Variants in TMEM132B observed in about 807,000 individuals in gnomAD.
TMEM132B encodes transmembrane protein 132B.
In TMEM132B, 18 loss-of-function variants were observed where a neutral mutation model predicts 90.8. The observed-to-expected ratio is 0.20, with a 90% CI of 0.14 to 0.29. TMEM132B has a LOEUF of 0.29. TMEM132B is among the 10% of genes least tolerant of loss of function. The probability of loss-of-function intolerance (pLI) is 1.00; values close to 1 mark genes in which losing one functional copy is unlikely to be tolerated. For synonymous variants in TMEM132B, 504 were observed against 523.3 expected (o/e 0.96, Z 0.50); for missense variants, 1,096 against 1,326.8 (o/e 0.83, Z 2.70).
chr12:125,518,898 C>A (rs946275164), intron 3 of TMEM132B, among the ~76,000 whole-genome samples: 16 of 152,230 alleles, frequency 1.1e-4, no homozygotes, highest in African/African-American at 3.9e-4. Context: ...GTGTGAAGTT[C>A]TTTCTCACTC....
At chr12:125,645,149 C>T (rs901471768) in intron 6 of TMEM132B, among the ~76,000 whole-genome samples, 28 of 137,446 alleles carry the variant, frequency 2.0e-4, no homozygotes, top group Admixed American at 4.1e-4. Context: ...ACCCGGGAGG[C>T]GGAGCTTGCA....
At chr12:125,606,339 C>T (rs1196666216) in intron 5 of TMEM132B, among the ~76,000 whole-genome samples, 1 of 142,284 alleles carries the variant, frequency 7.0e-6, no homozygotes, top group Non-Finnish European at 1.5e-5. Flanking sequence ...TTTGCTCATG[C>T]GACAGGGAAA....
intron 1 of TMEM132B, among the ~76,000 whole-genome samples, chr12:125,324,387 A>C (rs985333466): frequency 2.3e-4 from 35 of 152,244 alleles, no homozygotes; most frequent in Admixed American, 1.8e-3. Flanking sequence ...ACGCGTGTGC[A>C]GGTAGATTCA....
chr12:125,346,821 T>C (rs994297939), intron 1 of TMEM132B, among the ~76,000 whole-genome samples: 2 of 152,242 alleles, frequency 1.3e-5, no homozygotes, highest in African/African-American at 4.8e-5. Context: ...TTTGAGATAA[T>C]TTAAAGGAAG....
intron 5 of TMEM132B, among the ~76,000 whole-genome samples, chr12:125,628,788 G>C (rs147514064): frequency 1.8e-4 from 27 of 152,216 alleles, no homozygotes; most frequent in African/African-American, 6.5e-4. Flanking sequence ...TGAGGGCTTA[G>C]ATTTAAGTCT....
chr12:125,413,581 G>A (rs909112156), intron 2 of TMEM132B, among the ~76,000 whole-genome samples: 24 of 152,182 alleles, frequency 1.6e-4, no homozygotes, highest in Admixed American at 2.6e-4. Flanking sequence ...TGTTTCATCT[G>A]AATGCAGTCG....
chr12:125,647,960 A>T (rs1016987136), intron 6 of TMEM132B, among the ~76,000 whole-genome samples: 4 of 145,708 alleles, frequency 2.7e-5, no homozygotes, highest in Admixed American at 7.0e-5. Flanking sequence ...TGCGCAGGTT[A>T]GTTACATATG....
chr12:125,243,030 T>TAC (rs1264123899), intron 1 of TMEM132B, among the ~76,000 whole-genome samples: 6 of 139,502 alleles, frequency 4.3e-5, no homozygotes, highest in African/African-American at 1.3e-4. Flanking sequence ...TATATATATA[T>TAC]ATACACACAC....
chr12:125,634,313 C>T (rs368765456), intron 5 of TMEM132B, among the ~76,000 whole-genome samples: 1 of 152,202 alleles, frequency 6.6e-6, no homozygotes, highest in African/African-American at 2.4e-5. Context: ...CTGAGACTCA[C>T]CCTGCAGGGC....
intron 2 of TMEM132B, among the ~76,000 whole-genome samples, chr12:125,375,357 T>C (rs1351460030): frequency 6.6e-6 from 1 of 152,232 alleles, no homozygotes; most frequent in Non-Finnish European, 1.5e-5. Context: ...TTTTATTAGC[T>C]GCTTTCAGGA....
At chr12:125,371,968 T>C (rs945100069) in intron 2 of TMEM132B, among the ~76,000 whole-genome samples, 1 of 152,212 alleles carries the variant, frequency 6.6e-6, no homozygotes, top group African/African-American at 2.4e-5. Context: ...CTCACTTCGG[T>C]TAGACAGAAT....
chr12:125,575,083 T>TATATATATA (rs61155232), intron 4 of TMEM132B, among the ~76,000 whole-genome samples: 49 of 114,554 alleles, frequency 4.3e-4, no homozygotes, highest in Middle Eastern at 4.5e-3. Flanking sequence ...TATATATATA[T>TATATATATA]TCAGGAGTAG....
chr12:125,577,200 T>C (rs989752270), intron 4 of TMEM132B, among the ~76,000 whole-genome samples: 1 of 151,910 alleles, frequency 6.6e-6, no homozygotes, highest in African/African-American at 2.4e-5. Flanking sequence ...CAATTTCCTC[T>C]TGAGCCAGTT....
At chr12:125,612,171 A>T (rs1015459378) in intron 5 of TMEM132B, among the ~76,000 whole-genome samples, 18 of 152,034 alleles carry the variant, frequency 1.2e-4, no homozygotes, top group Non-Finnish European at 2.2e-4. Context: ...TTTAATTTTA[A>T]TTTTTTAAAA....
chr12:125,389,287 G>T (rs1878938701), intron 2 of TMEM132B, among the ~76,000 whole-genome samples: 1 of 152,084 alleles, frequency 6.6e-6, no homozygotes. Context: ...TATTTTAGAT[G>T]ATGTGGGCAG....
intron 3 of TMEM132B, among the ~76,000 whole-genome samples, chr12:125,489,761 G>C (rs1483627533): frequency 6.6e-6 from 1 of 152,006 alleles, no homozygotes; most frequent in East Asian, 1.9e-4. Flanking sequence ...TTTGATATCT[G>C]GATCAATTCT....
chr12:125,399,724 A>C (rs1879262097), intron 2 of TMEM132B, among the ~76,000 whole-genome samples: 1 of 152,176 alleles, frequency 6.6e-6, no homozygotes, highest in South Asian at 2.1e-4. Context: ...AACAGGAAAG[A>C]TCCAACAGGC....
chr12:125,220,295 T>C (rs1347512487), intron 1 of TMEM132B, among the ~76,000 whole-genome samples: 1 of 152,220 alleles, frequency 6.6e-6, no homozygotes, highest in Non-Finnish European at 1.5e-5. Flanking sequence ...CCACCTTGTG[T>C]CTGGGCTGAG....
At chr12:125,573,579 A>G (rs575010014) in intron 4 of TMEM132B, among the ~76,000 whole-genome samples, 1 of 152,310 alleles carries the variant, frequency 6.6e-6, no homozygotes, top group East Asian at 1.9e-4. Context: ...TGTGACTCCT[A>G]AATTTTAATA....
Sources: gnomAD v4.1 joint callset for allele counts (sites outside exome capture counted in the v4.1 genomes callset) on GRCh38, gnomAD v4.1.1 for gene constraint, MANE v1.5 for transcripts, NCBI Gene and HGNC (gene_info 2026-07-23, HGNC 2026-07-21) for gene names.